The following WDHD1 variants were observed in gnomAD, a reference collection of about 807,000 sequenced individuals.
The protein encoded by WDHD1 is WD repeat and HMG-box DNA binding protein 1, also known as WD repeat and HMG-box DNA-binding protein 1.
A neutral mutation model predicts 135.4 loss-of-function variants in WDHD1; 111 were observed. That is an observed-to-expected ratio of 0.82 (90% confidence interval 0.70 to 0.96). The LOEUF is 0.96. Ranked by LOEUF, WDHD1 falls within the 40% of genes least tolerant of loss-of-function variation. The probability of loss-of-function intolerance (pLI) is 0.00; values close to 1 mark genes in which losing one functional copy is unlikely to be tolerated. For synonymous variants in WDHD1, 434 were observed against 439.0 expected (o/e 0.99, Z 0.14); for missense variants, 1,351 against 1,336.3 (o/e 1.01, Z -0.17).
intron 2 of WDHD1, among the ~76,000 whole-genome samples, chr14:55,018,798 G>A (rs2042299107): frequency 6.6e-6 from 1 of 152,196 alleles, no homozygotes; most frequent in Admixed American, 6.5e-5. Context: ...GCTCACGCCT[G>A]TAATCCCAGC....
intron 14 of WDHD1, among the ~76,000 whole-genome samples, chr14:54,985,995 G>A (rs1475126395): frequency 6.6e-6 from 1 of 152,206 alleles, no homozygotes; most frequent in Admixed American, 6.5e-5. Context: ...TGAAATGTCT[G>A]TCCAAACTCT....
At position 54,941,399 on chromosome 14, in the gene WDHD1, T is replaced by A. The variant is rs529393124; in HGVS notation, c.*91A>T. ...CAGTTGCTTCAAACTCTTTAAAAAA[T>A]ATATATATAATGAGTTTCCCAAAGA... is the stretch of plus-strand genomic sequence containing the variant. On this transcript the variant is annotated 3_prime_UTR_variant, in exon 26 of 26. Transcript: ENST00000360586. The A allele has an allele frequency of 5.1e-4, 480 of 946,080 alleles. 1 individual carries two copies. The East Asian group carries it at 6.5e-3, about 13-fold the overall frequency. 58.6% of individuals were successfully genotyped at this position (946,080 alleles called of 1,614,324 possible). A position where few individuals can be genotyped will look rare whatever the true frequency, so the allele number is the denominator to read the frequency against.
chr14:54,977,123 A>G (rs928781804), intron 16 of WDHD1, among the ~76,000 whole-genome samples: 7 of 151,996 alleles, frequency 4.6e-5, no homozygotes, highest in Non-Finnish European at 1.0e-4. Flanking sequence ...TGTACTCTCT[A>G]CCAAATTACT....
In WDHD1 at chr14:54,964,148, T is replaced by A. The variant is rs1595072945; in HGVS notation, c.2311-976A>T. Among the ~76,000 whole-genome samples the A allele has an allele frequency of 2.0e-5, 3 of 152,038 alleles. No individual in the cohort carries two copies. In the East Asian group the frequency reaches 5.8e-4, roughly 29 times the overall value. The stretch of plus-strand genomic sequence containing the variant: ...AGAAAAACAACAAACTGAGAAAAGT[T>A]GGTATTTTGAAGATTACTAAGGGTC... On this transcript the variant is annotated intron_variant, in intron 18 of 25. Coordinates refer to ENST00000360586, the MANE Select transcript of WDHD1 (RefSeq NM_007086.4).
chr14:54,989,305 T>A, intron 12 of WDHD1, 93 bp from the exon 13 acceptor site: 1 of 928,456 alleles, frequency 1.1e-6, no homozygotes, highest in East Asian at 2.8e-5. Flanking sequence ...AATATTATAA[T>A]TAAATTTGTA....
chr14:54,995,509 A>T (rs1376981617), intron 11 of WDHD1, 94 bp downstream of exon 11: 17 of 1,006,734 alleles, frequency 1.7e-5, no homozygotes, highest in Non-Finnish European at 2.2e-5. Flanking sequence ...ACTTAGCTAC[A>T]TTCTACAAAT....
chr14:54,941,877 C>G (rs1223131531), intron 25 of WDHD1, among the ~76,000 whole-genome samples, 187 bp from the exon 26 acceptor site: 2 of 152,162 alleles, frequency 1.3e-5, no homozygotes, highest in Non-Finnish European at 2.9e-5. Flanking sequence ...AAGATTTACA[C>G]TACTTTTATA....
In WDHD1 at chr14:54,993,868, T is replaced by C. The variant is rs190802958; in HGVS notation, c.1153+1735A>G. On this transcript the variant is annotated intron_variant, in intron 11 of 25. Coordinates refer to ENST00000360586, the MANE Select transcript of WDHD1 (RefSeq NM_007086.4). ...TTAATTTCTAATATGTAAATGACGA[T>C]AGCCGTAACTCTGTATAAATAAATG... 4.4e-3 allele frequency among the ~76,000 whole-genome samples: 673 copies of C among 152,342 alleles called. 2 individuals are homozygous for C. The highest frequency in any genetic ancestry group is 0.015 in the African/African-American group (621 of 41,588).
chr14:55,012,192 C>A (rs181292579), intron 3 of WDHD1, among the ~76,000 whole-genome samples: 1 of 152,236 alleles, frequency 6.6e-6, no homozygotes, highest in East Asian at 1.9e-4. Flanking sequence ...GTATGTTGGT[C>A]ATTTACATTT....
chr14:54,962,579 G>A (rs964513564), intron 20 of WDHD1, 28 bp from the exon 21 acceptor site: 3 of 1,578,674 alleles, frequency 1.9e-6, no homozygotes, highest in Non-Finnish European at 2.6e-6. Flanking sequence ...GCAATATAAT[G>A]TAAATGGGGA....
chr14:54,989,453 ATAGAG>A (rs1357071132), intron 12 of WDHD1, among the ~76,000 whole-genome samples: 1 of 152,154 alleles, frequency 6.6e-6, no homozygotes, highest in Non-Finnish European at 1.5e-5. Context: ...TAATTAGCAA[ATAGAG>A]TATTTAATAA....
chr14:54,963,476 C>A (rs1199581788), intron 18 of WDHD1, among the ~76,000 whole-genome samples: 2 of 152,076 alleles, frequency 1.3e-5, no homozygotes, highest in Non-Finnish European at 2.9e-5. Context: ...CTTTAATCTA[C>A]TAATTGCAAG....
intron 11 of WDHD1, among the ~76,000 whole-genome samples, chr14:54,995,292 G>T (rs10150110): frequency 0.43 from 64,678 of 151,904 alleles, 15,550 homozygotes; most frequent in African/African-American, 0.66. Flanking sequence ...TATTGATCTT[G>T]TCAAAGAACC....
At chr14:54,986,004 C>T (rs1421730020) in intron 14 of WDHD1, among the ~76,000 whole-genome samples, 1 of 152,120 alleles carries the variant, frequency 6.6e-6, no homozygotes, top group Admixed American at 6.5e-5. Flanking sequence ...TGTCCAAACT[C>T]TAAATAGATT....
intron 21 of WDHD1, 26 bp downstream of exon 21, chr14:54,962,472 A>G (rs2041267667): frequency 1.9e-6 from 3 of 1,583,838 alleles, no homozygotes; most frequent in Non-Finnish European, 2.6e-6. Context: ...TTTCCTTGAT[A>G]TTACAAATTT....
intron 2 of WDHD1, among the ~76,000 whole-genome samples, chr14:55,025,873 A>G (rs1594603200): frequency 6.6e-6 from 1 of 151,818 alleles, no homozygotes; most frequent in South Asian, 2.1e-4. Flanking sequence ...CGCCACCACC[A>G]CTCATCTCTT....
At position 55,006,617 on chromosome 14, in the gene WDHD1, A is replaced by G. The variant is rs189020250; in HGVS notation, c.600+663T>C. Reference sequence around the variant, plus strand: ...TCTCTTTCTTCCTTTCAAATTTCTCATATCTTTCTGTTGTCTAACTGTATC... The same window carrying G: ...TCTCTTTCTTCCTTTCAAATTTCTCGTATCTTTCTGTTGTCTAACTGTATC... On this transcript the variant is annotated intron_variant, in intron 7 of 25. Coordinates refer to ENST00000360586, the MANE Select transcript of WDHD1 (RefSeq NM_007086.4). Among the ~76,000 whole-genome samples, 242 of 152,198 alleles carry G rather than the reference A, an allele frequency of 1.6e-3. 5 individuals are homozygous for G. Among genetic ancestry groups the G allele is most frequent in the Admixed American group, 0.016 (239 of 15,278 alleles).
intron 2 of WDHD1, among the ~76,000 whole-genome samples, chr14:55,014,924 T>C (rs2042235098): frequency 6.6e-6 from 1 of 151,906 alleles, no homozygotes; most frequent in South Asian, 2.1e-4. Context: ...AAAAAAAATA[T>C]AGTTAATACA....
At chr14:54,986,375 C>T (rs1403239296) in intron 14 of WDHD1, among the ~76,000 whole-genome samples, 1 of 152,026 alleles carries the variant, frequency 6.6e-6, no homozygotes, top group Non-Finnish European at 1.5e-5. Context: ...CTATTGCTAT[C>T]CAGACTTGTA....
Sources: allele counts gnomAD v4.1 joint callset (sites outside exome capture counted in the v4.1 genomes callset), GRCh38; gene constraint gnomAD v4.1.1; transcripts MANE v1.5; gene names NCBI Gene and HGNC (gene_info 2026-07-23, HGNC 2026-07-21).